Variants in CPSF1 observed in about 807,000 individuals in gnomAD.
The protein encoded by CPSF1 is cleavage and polyadenylation specific factor 1.
A neutral mutation model predicts 175.8 loss-of-function variants in CPSF1; 106 were observed. The ratio of observed to expected loss-of-function variants is 0.60; its 90% CI spans 0.52 to 0.71. CPSF1 has a LOEUF of 0.71. Ranked by LOEUF, CPSF1 falls within the 30% of genes least tolerant of loss-of-function variation. The pLI, the probability that CPSF1 is intolerant of heterozygous loss-of-function variation, is 0.00. For synonymous variants in CPSF1, 1,024 were observed against 858.3 expected, an observed-to-expected ratio of 1.19 and a Z score of -3.37; for missense variants, 1,734 against 2,022.9, an observed-to-expected ratio of 0.86 and a Z score of 2.74.
chr8:144,399,393 T>G lies in CPSF1; in HGVS notation c.1295-20A>C, dbSNP rs2116862135. ...CCGCAGCTGCACACAGAGAGCCCACTTGAGCGCAGCCCTGGGTCACCTGGC... is the reference window on the plus strand; with the variant it reads ...CCGCAGCTGCACACAGAGAGCCCACGTGAGCGCAGCCCTGGGTCACCTGGC... On this transcript the variant is annotated intron_variant, in intron 13 of 37. Transcript: ENST00000616140. The surrounding 1 kb of genome is among the most constrained non-coding windows in gnomAD (Gnocchi z 6.4). 8 of 1,612,730 alleles carry G rather than the reference T, an allele frequency of 5.0e-6. No individual in the cohort carries two copies. Among genetic ancestry groups the G allele is most frequent in the Non-Finnish European group, 6.8e-6 (8 of 1,179,936 alleles).
chr8:144,401,785 C>A, intron 2 of CPSF1, 112 bp from the exon 3 acceptor site: 1 of 1,140,320 alleles, frequency 8.8e-7, no homozygotes, highest in Non-Finnish European at 1.2e-6. Context: ...GAGCTCTGCC[C>A]AAACCCTCTC....
intron 9 of CPSF1, 31 bp downstream of exon 9, chr8:144,400,135 G>GGGGGGGGGCCCCC: frequency 3.3e-6 from 3 of 895,990 alleles, no homozygotes; most frequent in Non-Finnish European, 4.8e-6. Context: ...CCGTCCCCGG[G>GGGGGGGGGCCCCC]CCCCCCCCGC....
intron 23 of CPSF1, 42 bp downstream of exon 23, chr8:144,397,139 GGGGCTGTGGGGGAACGGGCAGGGCCA>G (rs1820823364): frequency 2.1e-6 from 3 of 1,432,102 alleles, no homozygotes; most frequent in Non-Finnish European, 1.9e-6. Flanking sequence ...GGGAAGGGGC[GGGGCTGTGGGGGAACGGGCAGGGCCA>G]GGGGGAAGAT....
At chr8:144,408,651 T>C (rs2116911513) in intron 2 of CPSF1, among the ~76,000 whole-genome samples, 16 of 152,144 alleles carry the variant, frequency 1.1e-4, no homozygotes, top group Non-Finnish European at 1.5e-5. Flanking sequence ...GGGGCAGGTG[T>C]GTTTATTTAG....
chr8:144,402,505 ATGT>A (rs1821275541), intron 2 of CPSF1, among the ~76,000 whole-genome samples: 1 of 152,038 alleles, frequency 6.6e-6, no homozygotes, highest in Non-Finnish European at 1.5e-5. Context: ...GGGTTTCACC[ATGT>A]TGGCCAGGCT....
At chr8:144,400,854 G>A (rs2116879117) in intron 6 of CPSF1, 37 bp from the exon 7 acceptor site, 11 of 1,609,480 alleles carry the variant, frequency 6.8e-6, no homozygotes, top group Non-Finnish European at 8.5e-6. Flanking sequence ...GAGGAGGGGA[G>A]GCGGGGAGGG....
chr8:144,394,493 G>C lies in CPSF1; in HGVS notation c.3630C>G (p.Leu1210=). The C allele has an allele frequency of 6.2e-7, 1 of 1,609,778 alleles. No homozygotes were observed. Among genetic ancestry groups the C allele is most frequent in the Middle Eastern group, 1.7e-4 (1 of 6,058 alleles). The change falls in exon 32 of 38, where the codon CTC becomes CTG. Residue 1210 remains leucine, a synonymous_variant. Transcript: ENST00000616140. ...LTGMAFIDTQ[L]YIHQMISVKN... ...TGACGCTGATCATCTGGTGTATGTA[G>C]AGCTGCGTGTCGATGAAGGCCATGC...
Position 144,399,741 on chromosome 8 carries a change from C to A in CPSF1, c.1120-31G>T. On this transcript the variant is annotated intron_variant, in intron 11 of 37. Transcript: ENST00000616140. The surrounding 1 kb of genome is among the most constrained non-coding windows in gnomAD (Gnocchi z 6.4). ...GGAGGGCAGGTGTGTGATGGCTGGG[C>A]CGGGTCTGGACCCAGACCCAACCCC... is the stretch of plus-strand genomic sequence containing the variant. 1.2e-6 allele frequency: 2 copies of A among 1,600,464 alleles called. No individual in the cohort carries two copies. The highest frequency in any genetic ancestry group is 1.3e-5 in the African/African-American group (1 of 74,746).
intron 9 of CPSF1, 32 bp downstream of exon 9, chr8:144,400,134 G>GCACCCCCCCCCCC (rs782373475): frequency 2.1e-6 from 2 of 966,528 alleles, no homozygotes; most frequent in Non-Finnish European, 1.5e-6. Context: ...GCCGTCCCCG[G>GCACCCCCCCCCCC]GCCCCCCCCG....
rs145930188 is a variant in CPSF1 at position 144,397,963 on chromosome 8, C to T, written c.2064G>A (p.Pro688=). ...GAATGAGGGGGCCTACATGGTGCAGCGGGGGCTTGTGCAGCGCCAGGCGGT... is the reference window on the plus strand; with the variant it reads ...GAATGAGGGGGCCTACATGGTGCAGTGGGGGCTTGTGCAGCGCCAGGCGGT... ...RHHRLALHKP[P]LHHQSKVITL... Residue 688 remains proline (P), a synonymous_variant, in exon 20 of 38, where the codon CCG becomes CCA. Transcript: ENST00000616140. 2.4e-4 allele frequency: 384 copies of T among 1,608,026 alleles called. No homozygotes were observed. Among genetic ancestry groups the T allele is most frequent in the African/African-American group, 2.2e-3 (167 of 74,990 alleles).
Position 144,400,023 on chromosome 8 carries a change from TGTC to T in CPSF1, c.997_999del (p.Asp333del), listed in dbSNP as rs1821069624. The T allele has an allele frequency of 6.2e-7, 1 of 1,612,096 alleles. No individual in the cohort carries two copies. Among genetic ancestry groups the T allele is most frequent in the South Asian group, 1.1e-5 (1 of 91,044 alleles). ...CCGCCCTTGAGGGAGATGACCATCT[TGTC>T]GTAGGAGATGAAGGTGGCCTGGGCG... is the stretch of plus-strand genomic sequence containing the variant. On this transcript the variant is annotated inframe_deletion, in exon 10 of 38. Transcript: ENST00000616140.
In CPSF1 at chr8:144,399,473, C is replaced by T. The variant is rs1554865566; in HGVS notation, c.1273G>A (p.Asp425Asn). ...EEPPSKKKRV[D>N]ATAGWSAAGK... ...TCACCTGACCAGCCGGCCGTCGCAT[C>T]CACTCGCTTCTTCTTTGAGGGAGGC... The change falls in exon 13 of 38, where the codon GAT (aspartate) becomes AAT (asparagine). Residue 425 changes from aspartate to asparagine, a missense_variant. Physicochemically the swap from Asp to Asn is conservative, Grantham distance 23. Around this residue, in one of 10 missense-constraint regions of CPSF1, gnomAD observed 162 missense variants for 169.5 expected, o/e 0.96. Coordinates refer to ENST00000616140, the MANE Select transcript of CPSF1 (RefSeq NM_013291.3). The surrounding 1 kb of genome is among the most constrained non-coding windows in gnomAD (Gnocchi z 6.4). 2.5e-6 allele frequency: 4 copies of T among 1,612,984 alleles called. No individual in the cohort carries two copies. The highest frequency in any genetic ancestry group is 3.3e-5 in the Admixed American group (2 of 59,982).
chr8:144,400,135 G>GCCCCCCCCCCCCCCCCC (rs1491238659), intron 9 of CPSF1, 31 bp downstream of exon 9: 316 of 896,080 alleles, frequency 3.5e-4, no homozygotes, highest in Middle Eastern at 7.5e-4. Flanking sequence ...CCGTCCCCGG[G>GCCCCCCCCCCCCCCCCC]CCCCCCCCGC....
At chr8:144,405,730 C>T (rs1299476497) in intron 2 of CPSF1, among the ~76,000 whole-genome samples, 6 of 152,206 alleles carry the variant, frequency 3.9e-5, no homozygotes, top group South Asian at 2.1e-4. Context: ...GTGGCAGGGA[C>T]GGTGCCCTCC....
chr8:144,393,918 G>A lies in CPSF1; in HGVS notation c.3980C>T (p.Ser1327Leu), dbSNP rs117646413. ...RGATEGLSKK[S>L]VVWENKHITW... is the part of the protein sequence containing the mutation. ...GATGTGCTTATTCTCCCACACGACC[G>A]ACTTTTTGCTGAGCCCTTCAGTGGC... The change falls in exon 35 of 38, where the codon TCG becomes TTG. Residue 1327 changes from serine to leucine, a missense_variant. By Grantham distance (145) the Ser-to-Leu change is moderately radical. Transcript: ENST00000616140. The A allele has an allele frequency of 2.8e-4, 446 of 1,613,120 alleles. 2 individuals are homozygous for A. In the East Asian group the frequency reaches 7.7e-3, roughly 28 times the overall value.
At chr8:144,397,128 C>T (rs182894722) in intron 23 of CPSF1, 79 bp downstream of exon 23, 6 of 847,080 alleles carry the variant, frequency 7.1e-6, no homozygotes, top group Middle Eastern at 5.3e-4. Context: ...GGTGGAGCCA[C>T]GGGAAGGGGC....
chr8:144,399,071 C>T lies in CPSF1; in HGVS notation c.1468-33G>A. ...GGACTCGGGGGTGAGGACTATGCCC[C>T]CCACCCCCCCTCACACTCCAGCCCC... On this transcript the variant is annotated intron_variant, in intron 15 of 37. Transcript: ENST00000616140. The surrounding 1 kb of genome is among the most constrained non-coding windows in gnomAD (Gnocchi z 6.4). The T allele has an allele frequency of 6.5e-7, 1 of 1,549,962 alleles. No individual in the cohort carries two copies. The highest frequency in any genetic ancestry group is 8.7e-7 in the Non-Finnish European group (1 of 1,146,868).
Position 144,400,455 on chromosome 8 carries a change from G to A in CPSF1, c.725C>T (p.Ala242Val), listed in dbSNP as rs201587965. 5.6e-6 allele frequency: 9 copies of A among 1,613,354 alleles called. No homozygotes were observed. The highest frequency in any genetic ancestry group is 7.6e-6 in the Non-Finnish European group (9 of 1,179,972). Residue 242 changes from alanine (A) to valine (V), a missense_variant, in exon 8 of 38, where the codon GCC becomes GTC. Around this residue, in one of 10 missense-constraint regions of CPSF1, gnomAD observed 61 missense variants for 104.0 expected, o/e 0.59. Coordinates refer to ENST00000616140, the MANE Select transcript of CPSF1 (RefSeq NM_013291.3). The part of the protein sequence containing the change: ...AVRQDTCSIV[A>V]ISLNITQKVH... Reference sequence around the variant, plus strand: ...CTTCTGCGTGATGTTCAGTGAGATGGCCACAATGGAGCACGTGTCCTGCCG... The same window carrying A: ...CTTCTGCGTGATGTTCAGTGAGATGACCACAATGGAGCACGTGTCCTGCCG...
At position 144,394,448 on chromosome 8, in the gene CPSF1, G is replaced by C; in HGVS notation, c.3675C>G (p.Ala1225=). The C allele has an allele frequency of 6.2e-7, 1 of 1,608,172 alleles. No homozygotes were observed. The highest frequency in any genetic ancestry group is 1.1e-5 in the South Asian group (1 of 90,052). ...GCAGCGAAATGCTCTTCATGACGTCGGCTGCCAGGATGAAGTTCTTGACGC... is the reference window on the plus strand; with the variant it reads ...GCAGCGAAATGCTCTTCATGACGTCCGCTGCCAGGATGAAGTTCTTGACGC... ...MISVKNFILA[A]DVMKSISLLR... The change falls in exon 32 of 38, where the codon GCC becomes GCG. Residue 1225 remains alanine (A), a synonymous_variant. Transcript: ENST00000616140.
Sources: gnomAD v4.1 joint callset for allele counts (sites outside exome capture counted in the v4.1 genomes callset) on GRCh38, gnomAD v4.1.1 for gene constraint, gnomAD v4.1.1 regional missense constraint, Gnocchi (gnomAD v3.1) non-coding constraint, MANE v1.5 for transcripts, NCBI Gene and HGNC (gene_info 2026-07-23, HGNC 2026-07-21) for gene names.